PER2: variants seen among roughly 807,000 people sequenced by gnomAD.
The protein encoded by PER2 is period circadian protein homolog 2.
In PER2, 66 loss-of-function variants were observed where a neutral mutation model predicts 121.0. The observed-to-expected ratio is 0.55, with a 90% CI of 0.45 to 0.67. The LOEUF (loss-of-function observed/expected upper bound fraction) is 0.67, where lower values mean the gene tolerates loss of function less well. Among genes scored for constraint, PER2 ranks in the 30% least tolerant of loss-of-function variants. PER2 has a pLI of 0.00. For missense variants in PER2, 1,521 were observed against 1,635.0 expected (o/e 0.93, Z 1.20); for synonymous variants, 684 against 659.9 (o/e 1.04, Z -0.56).
chr2:238,291,385 C>T (rs1696947843), upstream of PER2, among the ~76,000 whole-genome samples: 1 of 152,260 alleles, frequency 6.6e-6, no homozygotes, highest in African/African-American at 2.4e-5. Context: ...CACTGGCCCT[C>T]TCATTCACTC....
At chr2:238,256,832 T>C (rs1695776083) in intron 17 of PER2, 90 bp downstream of exon 17, 3 of 1,338,760 alleles carry the variant, frequency 2.2e-6, no homozygotes, top group South Asian at 1.3e-5. Context: ...GTGGAGTTCT[T>C]CTGCACTTAG....
At chr2:238,290,733 G>A (rs75316580), upstream of PER2, among the ~76,000 whole-genome samples, 7,081 of 152,184 alleles carry the variant, frequency 0.047, 257 homozygotes, top group Non-Finnish European at 0.068. Flanking sequence ...GTGTTGAGGG[G>A]CATGCAAAAA....
At position 238,268,063 on chromosome 2, in the gene PER2, A is replaced by G. The variant is rs1399502451; in HGVS notation, c.960T>C (p.Gly320=). 1 of 1,613,836 alleles carries G rather than the reference A, an allele frequency of 6.2e-7. No individual in the cohort carries two copies. Among genetic ancestry groups the G allele is most frequent in the East Asian group, 2.2e-5 (1 of 44,902 alleles). Residue 320 remains glycine (G), a synonymous_variant, in exon 8 of 23, where the codon GGT becomes GGC. Coordinates refer to ENST00000254657, the MANE Select transcript of PER2 (RefSeq NM_022817.3). The surrounding 1 kb of genome is among the most constrained non-coding windows in gnomAD (Gnocchi z 4.0). The stretch of plus-strand genomic sequence containing the variant: ...CCTGGGCTTGGCTGTTACCTTCATA[A>G]CCAGAGTGCACTCTCTCTGCCAGCA... ...CLLLAERVHS[G]YEAPRIPPEK...
intron 1 of PER2, among the ~76,000 whole-genome samples, chr2:238,283,061 T>TGCTGCTC (rs1486596712): frequency 1.3e-5 from 2 of 152,236 alleles, no homozygotes; most frequent in Non-Finnish European, 2.9e-5. Context: ...TGGGGGCCCT[T>TGCTGCTC]GCTGCTCCTC....
chr2:238,268,286 A>T lies in PER2; in HGVS notation c.825-88T>A. The T allele has an allele frequency of 1.5e-6, 2 of 1,364,234 alleles. No individual in the cohort carries two copies. Among genetic ancestry groups the T allele is most frequent in the Middle Eastern group, 2.2e-4 (1 of 4,474 alleles). The allele number at this position is 1,364,234 out of a possible 1,614,324, so 84.5% of individuals were successfully genotyped here. ...TCCCTCCTCACCTGGGCCCCATGCC[A>T]TGCTGCAGGTGATGTGTACCTCTGC... is the stretch of plus-strand genomic sequence containing the variant. On this transcript the variant is annotated intron_variant, in intron 7 of 22. Transcript: ENST00000254657. This position sits in a 1 kb window ranked among gnomAD's most constrained non-coding sequence, Gnocchi z 4.0.
chr2:238,293,263 A>G (rs1696993255), upstream of PER2, among the ~76,000 whole-genome samples: 1 of 152,198 alleles, frequency 6.6e-6, no homozygotes, highest in South Asian at 2.1e-4. Flanking sequence ...TGAATAAAAT[A>G]ATTAGTACCT....
At chr2:238,277,643 A>C in intron 2 of PER2, 64 bp downstream of exon 2, 1 of 1,574,466 alleles carries the variant, frequency 6.4e-7, no homozygotes, top group African/African-American at 1.3e-5. Flanking sequence ...ATCAAATCAC[A>C]GCAGAAATGA....
rs563576059 is a variant in PER2 at position 238,250,873 on chromosome 2, G to C, written c.3275-130C>G. 1.6e-4 allele frequency: 112 copies of C among 688,508 alleles called. 1 individual carries two copies. The African/African-American group carries it at 1.8e-3, about 11-fold the overall frequency. 42.6% of individuals were successfully genotyped at this position (688,508 alleles called of 1,614,324 possible). ...TTCTTAGGTATTGGGTATCTATGCC[G>C]GTGCATGTTCCCCTTCTCTCCCACT... On this transcript the variant is annotated intron_variant, in intron 20 of 22. Transcript: ENST00000254657.
chr2:238,293,965 C>A (rs974698237), upstream of PER2, among the ~76,000 whole-genome samples: 1 of 152,116 alleles, frequency 6.6e-6, no homozygotes, highest in Non-Finnish European at 1.5e-5. Context: ...GGCTTCTGGG[C>A]AGCCAGTACC....
chr2:238,260,987 C>A, intron 12 of PER2, 34 bp from the exon 13 acceptor site: 2 of 1,605,642 alleles, frequency 1.2e-6, no homozygotes, highest in Non-Finnish European at 1.7e-6. Flanking sequence ...ACAGACACAG[C>A]CAGGGCTGCT....
chr2:238,296,806 A>T, the PER2 span, among the ~76,000 whole-genome samples: 6 of 152,220 alleles, frequency 3.9e-5, no homozygotes, highest in Non-Finnish European at 8.8e-5. Flanking sequence ...GACCTTGAGC[A>T]TAAACCCAGG....
At chr2:238,273,854 G>C (rs1314495090) in intron 4 of PER2, among the ~76,000 whole-genome samples, 1 of 152,188 alleles carries the variant, frequency 6.6e-6, no homozygotes, top group African/African-American at 2.4e-5. Context: ...TTTTAGTAGA[G>C]ATGGGGTTTC....
the PER2 span, chr2:238,299,861 G>C: frequency 6.6e-6 from 1 of 152,286 alleles, no homozygotes; most frequent in African/African-American, 2.4e-5. Flanking sequence ...ACTGCTCCTT[G>C]ATGCCAACAT....
chr2:238,268,338 C>T lies in PER2; in HGVS notation c.825-140G>A. On this transcript the variant is annotated intron_variant, in intron 7 of 22. Transcript: ENST00000254657. This position sits in a 1 kb window ranked among gnomAD's most constrained non-coding sequence, Gnocchi z 4.0. ...CTGCCTGAGGAGCTGGGCCTGCCCC[C>T]TGCCCTCTTCGGTCCCTCCCTCAGT... 1 of 857,248 alleles carries T rather than the reference C, an allele frequency of 1.2e-6. No homozygotes were observed. Among genetic ancestry groups the T allele is most frequent in the South Asian group, 1.4e-5 (1 of 69,914 alleles). The allele number at this position is 857,248 out of a possible 1,614,324, so 53.1% of individuals were successfully genotyped here.
chr2:238,293,396 C>G (rs1469484864), upstream of PER2, among the ~76,000 whole-genome samples: 1 of 152,122 alleles, frequency 6.6e-6, no homozygotes, highest in Non-Finnish European at 1.5e-5. Flanking sequence ...ATGCTTTTAA[C>G]CAAAGCCAAG....
At chr2:238,287,253 C>G (rs76170986) in intron 1 of PER2, among the ~76,000 whole-genome samples, 16,670 of 152,268 alleles carry the variant, frequency 0.11, 1,208 homozygotes, top group Admixed American at 0.17. Context: ...GCTGGCACAC[C>G]ACACAGCTTC....
chr2:238,287,776 T>G (rs1412537833), intron 1 of PER2, among the ~76,000 whole-genome samples: 2 of 152,148 alleles, frequency 1.3e-5, no homozygotes, highest in African/African-American at 4.8e-5. Flanking sequence ...TCTGTGTAGG[T>G]TACAGAAACC....
chr2:238,289,186 G>A (rs1203726364), upstream of PER2: 1 of 152,198 alleles, frequency 6.6e-6, no homozygotes, highest in Non-Finnish European at 1.5e-5. Context: ...GAAGCCGGAC[G>A]AGGGAGACCT....
chr2:238,273,780 G>A (rs1404671958), intron 4 of PER2, among the ~76,000 whole-genome samples: 1 of 152,148 alleles, frequency 6.6e-6, no homozygotes, highest in Non-Finnish European at 1.5e-5. Flanking sequence ...CAATTCTCCT[G>A]CCTCAGCCTT....
Sources: allele counts gnomAD v4.1 joint callset (sites outside exome capture counted in the v4.1 genomes callset), GRCh38; gene constraint gnomAD v4.1.1; non-coding constraint Gnocchi (gnomAD v3.1); transcripts MANE v1.5; gene names NCBI Gene and HGNC (gene_info 2026-07-23, HGNC 2026-07-21).